The following ANKS1B variants were observed in gnomAD, a reference collection of about 807,000 sequenced individuals.
The protein encoded by ANKS1B is ankyrin repeat and sterile alpha motif domain-containing protein 1B.
In ANKS1B, 36 loss-of-function variants were observed where a neutral mutation model predicts 148.3. That is an observed-to-expected ratio of 0.24 (90% CI 0.19 to 0.32). The LOEUF is 0.32. ANKS1B is among the 10% of genes least tolerant of loss of function. The pLI, the probability that ANKS1B is intolerant of heterozygous loss-of-function variation, is 1.00. For synonymous variants in ANKS1B, 542 were observed against 560.8 expected (o/e 0.97, Z 0.47); for missense variants, 1,157 against 1,542.6 (o/e 0.75, Z 4.19).
chr12:99,808,179 T>A (rs1217291146), intron 3 of ANKS1B, among the ~76,000 whole-genome samples: 4 of 151,274 alleles, frequency 2.6e-5, no homozygotes, highest in African/African-American at 4.9e-5. Context: ...GAATAGGGAG[T>A]AGCTGTTTAG....
At chr12:99,858,838 G>A (rs1233226421) in intron 1 of ANKS1B, among the ~76,000 whole-genome samples, 3 of 152,042 alleles carry the variant, frequency 2.0e-5, no homozygotes, top group Non-Finnish European at 4.4e-5. Flanking sequence ...AGGAAACAAA[G>A]GCCTAAGAAT....
intron 9 of ANKS1B, 27 bp downstream of exon 9, chr12:99,655,040 T>C: frequency 6.5e-7 from 1 of 1,535,526 alleles, no homozygotes; most frequent in Non-Finnish European, 8.8e-7. Context: ...TTTGTTTTAT[T>C]GTACCTTAAT....
At chr12:99,783,747 T>C (rs1455712382) in intron 4 of ANKS1B, among the ~76,000 whole-genome samples, 1 of 152,014 alleles carries the variant, frequency 6.6e-6, no homozygotes, top group South Asian at 2.1e-4. Context: ...GAGAGGAGGA[T>C]AGGGAGAGGT....
At chr12:98,902,569 G>C (rs1288975623) in intron 17 of ANKS1B, among the ~76,000 whole-genome samples, 1 of 152,244 alleles carries the variant, frequency 6.6e-6, no homozygotes, top group Admixed American at 6.5e-5. Flanking sequence ...CAAGGAGGTA[G>C]CATAATATAC....
At chr12:99,977,856 G>A (rs1333135415) in intron 1 of ANKS1B, among the ~76,000 whole-genome samples, 1 of 152,110 alleles carries the variant, frequency 6.6e-6, no homozygotes, top group Non-Finnish European at 1.5e-5. Flanking sequence ...AACATATGAT[G>A]AGTAATAAAA....
intron 9 of ANKS1B, among the ~76,000 whole-genome samples, chr12:99,519,448 T>C (rs1266227516): frequency 6.6e-6 from 1 of 152,140 alleles, no homozygotes; most frequent in Non-Finnish European, 1.5e-5. Context: ...TCTTGCTGAA[T>C]TGACCCTTTT....
intron 5 of ANKS1B, among the ~76,000 whole-genome samples, chr12:99,780,764 C>T (rs569253463): frequency 9.2e-5 from 14 of 152,178 alleles, no homozygotes; most frequent in Admixed American, 2.6e-4. Flanking sequence ...AACATAAGAA[C>T]AGTCTTAGAA....
At chr12:99,779,147 AG>A (rs2063993126) in intron 6 of ANKS1B, among the ~76,000 whole-genome samples, 1 of 152,242 alleles carries the variant, frequency 6.6e-6, no homozygotes, top group Non-Finnish European at 1.5e-5. Context: ...CAAGTGGAGA[AG>A]TATGCAAGCT....
At chr12:98,879,348 T>C (rs1292228118) in intron 17 of ANKS1B, among the ~76,000 whole-genome samples, 1 of 152,164 alleles carries the variant, frequency 6.6e-6, no homozygotes, top group Non-Finnish European at 1.5e-5. Flanking sequence ...ATGAGCAAAA[T>C]AAGTCTTAGA....
chr12:99,831,577 C>T (rs1052609462), intron 1 of ANKS1B, among the ~76,000 whole-genome samples: 2 of 152,128 alleles, frequency 1.3e-5, no homozygotes, highest in Non-Finnish European at 2.9e-5. Flanking sequence ...TCTCTCTTTG[C>T]TCTTGTCAGC....
At chr12:99,834,806 T>A (rs1219432005) in intron 1 of ANKS1B, among the ~76,000 whole-genome samples, 1 of 152,146 alleles carries the variant, frequency 6.6e-6, no homozygotes, top group Non-Finnish European at 1.5e-5. Context: ...CCCTGACACA[T>A]GAGATCACGC....
intron 8 of ANKS1B, among the ~76,000 whole-genome samples, chr12:99,711,710 G>T (rs771395762): frequency 6.6e-6 from 1 of 152,122 alleles, no homozygotes; most frequent in Non-Finnish European, 1.5e-5. Context: ...TGCTGTCAAG[G>T]TTGCAGAGAA....
At chr12:99,266,889 G>A (rs974939329) in intron 12 of ANKS1B, among the ~76,000 whole-genome samples, 5 of 152,142 alleles carry the variant, frequency 3.3e-5, no homozygotes, top group African/African-American at 1.2e-4. Flanking sequence ...CTTGATGTTT[G>A]CTAGGTAGCT....
chr12:99,421,616 TG>T (rs1213936555), intron 11 of ANKS1B, among the ~76,000 whole-genome samples: 1 of 152,100 alleles, frequency 6.6e-6, no homozygotes, highest in African/African-American at 2.4e-5. Context: ...AGAGCCCCTG[TG>T]GTGACTTGTT....
rs2075584041 is a variant in ANKS1B, at chr12:99,258,638, G to A, written c.1757-11774C>T. ...TTTTTTTTTTTTTTTTACTTATAAT[G>A]TAAACTTATGTGATGAGCTAGTACA... is the stretch of plus-strand genomic sequence containing the variant. On this transcript the variant is annotated intron_variant, in intron 12 of 26. Coordinates refer to ENST00000683438, the MANE Select transcript of ANKS1B (RefSeq NM_001352186.2). Among the ~76,000 whole-genome samples the A allele has an allele frequency of 2.5e-5, 3 of 121,170 alleles. No individual in the cohort carries two copies. The South Asian group carries it at 7.7e-4, about 31-fold the overall frequency. The allele number at this position is 121,170 out of a possible 152,430, so 79.5% of individuals were successfully genotyped here. A position where few individuals can be genotyped will look rare whatever the true frequency, so the allele number is the denominator to read the frequency against.
At chr12:99,571,942 C>A (rs970053792) in intron 9 of ANKS1B, among the ~76,000 whole-genome samples, 5 of 152,014 alleles carry the variant, frequency 3.3e-5, no homozygotes, top group African/African-American at 1.2e-4. Context: ...ACAAACAAAC[C>A]AATAAAATCC....
chr12:99,766,842 T>C (rs1443022839), intron 8 of ANKS1B, among the ~76,000 whole-genome samples: 1 of 152,154 alleles, frequency 6.6e-6, no homozygotes, highest in Non-Finnish European at 1.5e-5. Flanking sequence ...CTAAATCTGA[T>C]GGAAATTGGG....
chr12:99,022,387 AT>A (rs1472391646), intron 17 of ANKS1B, among the ~76,000 whole-genome samples: 1 of 152,166 alleles, frequency 6.6e-6, no homozygotes, highest in Non-Finnish European at 1.5e-5. Context: ...AAATTAATCT[AT>A]TGGGTTAAGC....
chr12:99,601,225 T>C (rs2097797145), intron 9 of ANKS1B, among the ~76,000 whole-genome samples: 1 of 152,094 alleles, frequency 6.6e-6, no homozygotes, highest in Admixed American at 6.6e-5. Context: ...GACTCCAAAA[T>C]ATACATCTGC....
Sources: allele counts gnomAD v4.1 joint callset (sites outside exome capture counted in the v4.1 genomes callset), GRCh38; gene constraint gnomAD v4.1.1; transcripts MANE v1.5; gene names NCBI Gene and HGNC (gene_info 2026-07-23, HGNC 2026-07-21).